CELF4: variants seen among roughly 807,000 people sequenced by gnomAD.
The protein encoded by CELF4 is CUGBP Elav-like family member 4, also known as CUG-BP- and ETR-3-like factor 4.
A neutral mutation model predicts 59.9 loss-of-function variants in CELF4; 18 were observed. That is an observed-to-expected ratio of 0.30 (90% CI 0.21 to 0.45). The LOEUF (loss-of-function observed/expected upper bound fraction) is 0.45, where lower values mean the gene tolerates loss of function less well. Ranked by LOEUF, CELF4 falls within the 20% of genes least tolerant of loss-of-function variation. CELF4 has a pLI of 1.00. For missense variants in CELF4, 456 were observed against 689.0 expected, an observed-to-expected ratio of 0.66 and a Z score of 3.79; for synonymous variants, 261 against 267.1, an observed-to-expected ratio of 0.98 and a Z score of 0.22.
intron 1 of CELF4, among the ~76,000 whole-genome samples, chr18:37,508,055 C>A (rs183712150): frequency 1.2e-4 from 19 of 152,322 alleles, no homozygotes. Context: ...GTGTTTCCTG[C>A]AGTTCCTGGG....
rs113504510 is a variant in CELF4, at chr18:37,384,080, C to A, written c.370-62199G>T. On this transcript the variant is annotated intron_variant, in intron 2 of 12. Coordinates refer to ENST00000420428, the MANE Select transcript of CELF4 (RefSeq NM_020180.4). ...CTGCATGGCTAATTGGGAGACTGGG[C>A]AGAGACGCTCAATGCGGGGGTGACA... is the stretch of plus-strand genomic sequence containing the variant. Among the ~76,000 whole-genome samples the A allele has an allele frequency of 8.8e-4, 134 of 152,198 alleles. 1 individual carries two copies. The highest frequency in any genetic ancestry group is 3.0e-3 in the African/African-American group (126 of 41,514).
At chr18:37,519,723 C>T (rs1441142348) in intron 1 of CELF4, among the ~76,000 whole-genome samples, 7 of 152,200 alleles carry the variant, frequency 4.6e-5, no homozygotes, top group Admixed American at 2.6e-4. Context: ...GGCCTTGGCT[C>T]GCATATGCTC....
intron 2 of CELF4, among the ~76,000 whole-genome samples, chr18:37,475,767 C>T (rs1206245024): frequency 2.6e-5 from 4 of 152,194 alleles, no homozygotes; most frequent in Admixed American, 2.0e-4. Flanking sequence ...CCTCCTCCAT[C>T]TCCAGACACA....
rs557048364 is a variant in CELF4, at chr18:37,386,211, C to G, written c.370-64330G>C. On this transcript the variant is annotated intron_variant, in intron 2 of 12. Transcript: ENST00000420428. ...TCTGCTCTGTGGACCTGCAGATGTA[C>G]AAAGAGGATGACAATTATTATGTGA... is the stretch of plus-strand genomic sequence containing the variant. 2.6e-5 allele frequency among the ~76,000 whole-genome samples: 4 copies of G among 152,132 alleles called. No homozygotes were observed. In the East Asian group the frequency reaches 7.7e-4, roughly 29 times the overall value.
At chr18:37,385,174 C>T (rs987588720) in intron 2 of CELF4, among the ~76,000 whole-genome samples, 1 of 151,828 alleles carries the variant, frequency 6.6e-6, no homozygotes, top group African/African-American at 2.4e-5. Context: ...TGGTGAAACC[C>T]TATCTCTACC....
At chr18:37,286,679 G>A (rs1324936984) in intron 3 of CELF4, among the ~76,000 whole-genome samples, 1 of 152,178 alleles carries the variant, frequency 6.6e-6, no homozygotes, top group East Asian at 1.9e-4. Context: ...CAAGGCCTCA[G>A]CATCCTCCTT....
chr18:37,403,416 C>T (rs2154582883), intron 2 of CELF4, among the ~76,000 whole-genome samples: 1 of 152,236 alleles, frequency 6.6e-6, no homozygotes, highest in Admixed American at 6.5e-5. Context: ...GAGGCGAGGC[C>T]ACCCCTCCCC....
intron 2 of CELF4, among the ~76,000 whole-genome samples, chr18:37,339,185 G>T (rs2097899109): frequency 6.6e-6 from 1 of 152,170 alleles, no homozygotes; most frequent in Non-Finnish European, 1.5e-5. Context: ...TTAAGCCTTG[G>T]TATTTTCTTT....
intron 2 of CELF4, among the ~76,000 whole-genome samples, chr18:37,482,944 A>T (rs1055440807): frequency 1.3e-5 from 2 of 152,094 alleles, no homozygotes; most frequent in African/African-American, 4.8e-5. Context: ...TGCTGAGGTT[A>T]CCAGTTTTCC....
At chr18:37,296,151 T>C (rs1408215209) in intron 3 of CELF4, among the ~76,000 whole-genome samples, 3 of 152,206 alleles carry the variant, frequency 2.0e-5, no homozygotes, top group Non-Finnish European at 4.4e-5. Context: ...TCTTTTTGGC[T>C]TGTTTGTTTC....
chr18:37,467,354 G>A (rs570305132), intron 2 of CELF4, among the ~76,000 whole-genome samples: 54 of 152,294 alleles, frequency 3.5e-4, no homozygotes, highest in African/African-American at 1.3e-3. Flanking sequence ...CTGGGATGCA[G>A]GCCATGTCTG....
intron 2 of CELF4, among the ~76,000 whole-genome samples, chr18:37,400,328 ATG>A (rs56232803): frequency 0.62 from 94,691 of 151,820 alleles, 29,777 homozygotes; most frequent in East Asian, 0.86. Context: ...ATATATGTAT[ATG>A]TGTGTGTATG....
At chr18:37,323,938 G>T (rs2097208815) in intron 2 of CELF4, among the ~76,000 whole-genome samples, 1 of 152,148 alleles carries the variant, frequency 6.6e-6, no homozygotes. Flanking sequence ...GCTGCTCCAG[G>T]AGGAGAGGAC....
At chr18:37,286,183 T>TA (rs1306337907) in intron 3 of CELF4, among the ~76,000 whole-genome samples, 1 of 152,052 alleles carries the variant, frequency 6.6e-6, no homozygotes, top group African/African-American at 2.4e-5. Flanking sequence ...GGAATGGTGT[T>TA]AAAAGCTTCT....
chr18:37,345,176 G>A (rs1039019419), intron 2 of CELF4, among the ~76,000 whole-genome samples: 5 of 152,198 alleles, frequency 3.3e-5, no homozygotes, highest in African/African-American at 1.2e-4. Flanking sequence ...TTTAATTAAA[G>A]GATCGTTAGG....
At chr18:37,313,551 A>G (rs1018088912) in intron 3 of CELF4, among the ~76,000 whole-genome samples, 3 of 152,174 alleles carry the variant, frequency 2.0e-5, no homozygotes, top group Non-Finnish European at 4.4e-5. Flanking sequence ...ACCCAGTACC[A>G]AAAGTCAGCA....
At chr18:37,383,535 A>G (rs1358757774) in intron 2 of CELF4, among the ~76,000 whole-genome samples, 1 of 152,254 alleles carries the variant, frequency 6.6e-6, no homozygotes, top group South Asian at 2.1e-4. Context: ...TCTGTTATAC[A>G]TAATACTTAA....
At chr18:37,346,167 G>A (rs1168492807) in intron 2 of CELF4, among the ~76,000 whole-genome samples, 1 of 152,182 alleles carries the variant, frequency 6.6e-6, no homozygotes, top group Non-Finnish European at 1.5e-5. Context: ...CCTATGTCAA[G>A]AACAGTGCCT....
At chr18:37,453,472 T>G (rs1021109869) in intron 2 of CELF4, among the ~76,000 whole-genome samples, 1 of 152,232 alleles carries the variant, frequency 6.6e-6, no homozygotes, top group Non-Finnish European at 1.5e-5. Flanking sequence ...GGGGAACTGG[T>G]CCCTGCCACA....
Sources: gnomAD v4.1 joint callset for allele counts (sites outside exome capture counted in the v4.1 genomes callset) on GRCh38, gnomAD v4.1.1 for gene constraint, MANE v1.5 for transcripts, NCBI Gene and HGNC (gene_info 2026-07-23, HGNC 2026-07-21) for gene names.